Variants in HMGA2 observed in about 807,000 individuals in gnomAD.
HMGA2 encodes high mobility group AT-hook 2, also known as high mobility group protein HMGI-C.
A neutral mutation model predicts 19.1 loss-of-function variants in HMGA2; 8 were observed. The ratio of observed to expected loss-of-function variants is 0.42; its 90% CI spans 0.25 to 0.76. The LOEUF (loss-of-function observed/expected upper bound fraction) is 0.76, where lower values mean the gene tolerates loss of function less well. HMGA2 is among the 30% of genes least tolerant of loss of function. The probability of loss-of-function intolerance (pLI) is 0.28; values close to 1 mark genes in which losing one functional copy is unlikely to be tolerated. For synonymous variants in HMGA2, 60 were observed against 48.8 expected, an observed-to-expected ratio of 1.23 and a Z score of -0.96; for missense variants, 109 against 136.3, an observed-to-expected ratio of 0.80 and a Z score of 1.00.
At chr12:65,867,038 TAGAGAAGAAAGAGG>T (rs1367967617) in intron 3 of HMGA2, 1 of 438,562 alleles carries the variant, frequency 2.3e-6, no homozygotes, top group African/African-American at 2.0e-5. Flanking sequence ...AAGAACAAAG[TAGAGAAGAAAGAGG>T]AGAGTGTGTG....
chr12:65,919,046 G>T (rs1875209266), intron 3 of HMGA2, among the ~76,000 whole-genome samples: 1 of 152,130 alleles, frequency 6.6e-6, no homozygotes, highest in African/African-American at 2.4e-5. Flanking sequence ...AGACAGTCTT[G>T]TTTCATCTAA....
intron 3 of HMGA2, among the ~76,000 whole-genome samples, chr12:65,938,172 T>C (rs995288006): frequency 1.3e-5 from 2 of 152,118 alleles, no homozygotes; most frequent in Non-Finnish European, 2.9e-5. Flanking sequence ...ATTTTTTGAC[T>C]CTGAAGGAAA....
At chr12:65,881,488 T>A (rs969318372) in intron 3 of HMGA2, 1 of 548,800 alleles carries the variant, frequency 1.8e-6, no homozygotes, top group African/African-American at 1.9e-5. Context: ...TGAAGCAATC[T>A]TGCTTAATAG....
chr12:65,843,291 A>C (rs1871084963), intron 3 of HMGA2: 1 of 218,356 alleles, frequency 4.6e-6, no homozygotes, highest in Non-Finnish European at 9.2e-6. Context: ...ACGTTGATTA[A>C]AAAATATGCA....
intron 3 of HMGA2, among the ~76,000 whole-genome samples, chr12:65,949,151 ACAT>A (rs1200214412): frequency 6.6e-6 from 1 of 152,138 alleles, no homozygotes; most frequent in Non-Finnish European, 1.5e-5. Context: ...CCTGGAGAAA[ACAT>A]CATCTCAAAA....
chr12:65,932,052 A>T (rs1592453709), intron 3 of HMGA2, among the ~76,000 whole-genome samples: 1 of 152,210 alleles, frequency 6.6e-6, no homozygotes, highest in East Asian at 1.9e-4. Flanking sequence ...CTGCATTTTC[A>T]TTCTAAGAAG....
At chr12:65,874,546 G>A (rs1337696290) in intron 3 of HMGA2, among the ~76,000 whole-genome samples, 7 of 152,170 alleles carry the variant, frequency 4.6e-5, no homozygotes, top group African/African-American at 1.4e-4. Flanking sequence ...AGAAGGAGGT[G>A]TAGTGTGACT....
At chr12:65,892,268 G>A (rs1248151680) in intron 3 of HMGA2, among the ~76,000 whole-genome samples, 2 of 152,190 alleles carry the variant, frequency 1.3e-5, no homozygotes, top group East Asian at 3.9e-4. Flanking sequence ...ACACAGAGCA[G>A]AGACACTCAT....
intron 4 of HMGA2, among the ~76,000 whole-genome samples, chr12:65,962,210 C>T (rs1487446281): frequency 1.3e-5 from 2 of 152,176 alleles, no homozygotes; most frequent in Non-Finnish European, 2.9e-5. Flanking sequence ...CTCTCACTAA[C>T]GACGCTTTTA....
At chr12:65,943,395 G>T (rs1592460866) in intron 3 of HMGA2, among the ~76,000 whole-genome samples, 1 of 152,144 alleles carries the variant, frequency 6.6e-6, no homozygotes, top group Non-Finnish European at 1.5e-5. Flanking sequence ...CCCCCAGTCT[G>T]TTCTCATGAG....
At chr12:65,921,630 C>G (rs1382578647) in intron 3 of HMGA2, among the ~76,000 whole-genome samples, 2 of 152,198 alleles carry the variant, frequency 1.3e-5, no homozygotes, top group Non-Finnish European at 2.9e-5. Context: ...AAAAAAATCT[C>G]ATTTTCTGAG....
At chr12:65,861,635 A>AT (rs1872075904) in intron 3 of HMGA2, among the ~76,000 whole-genome samples, 1 of 151,094 alleles carries the variant, frequency 6.6e-6, no homozygotes, top group East Asian at 1.9e-4. Flanking sequence ...AAAAAAAAAA[A>AT]AAAAAACCTA....
At chr12:65,946,596 G>T (rs1429596310) in intron 3 of HMGA2, among the ~76,000 whole-genome samples, 1 of 152,024 alleles carries the variant, frequency 6.6e-6, no homozygotes, top group Non-Finnish European at 1.5e-5. Flanking sequence ...TGGGTCCTTT[G>T]TTAGCAAGGA....
At chr12:65,963,182 G>A in intron 4 of HMGA2, 63 bp from the exon 5 acceptor site, 1 of 1,511,496 alleles carries the variant, frequency 6.6e-7, no homozygotes, top group Non-Finnish European at 9.2e-7. Flanking sequence ...CTGCACTGTT[G>A]GCAAGAGCAG....
chr12:65,913,263 G>A (rs560678556), intron 3 of HMGA2, among the ~76,000 whole-genome samples: 4 of 151,344 alleles, frequency 2.6e-5, no homozygotes, highest in Non-Finnish European at 5.9e-5. Flanking sequence ...CTTTTCTCTG[G>A]TCAACTCCTT....
At chr12:65,869,487 A>AAG (rs1872598315) in intron 3 of HMGA2, among the ~76,000 whole-genome samples, 3 of 152,204 alleles carry the variant, frequency 2.0e-5, no homozygotes. Flanking sequence ...GGGTGCTGTC[A>AAG]GTGGGGTCAA....
At chr12:65,894,596 T>C (rs1367755154) in intron 3 of HMGA2, among the ~76,000 whole-genome samples, 1 of 152,204 alleles carries the variant, frequency 6.6e-6, no homozygotes, top group Admixed American at 6.5e-5. Context: ...TAGGTGGAAA[T>C]TTGCAAAATG....
chr12:65,861,747 A>AT (rs921163385), intron 3 of HMGA2, among the ~76,000 whole-genome samples: 1 of 151,334 alleles, frequency 6.6e-6, no homozygotes, highest in African/African-American at 2.4e-5. Context: ...TTATACTTAA[A>AT]TTTTTTTTCT....
In HMGA2 at chr12:65,963,494, A is replaced by G. The variant is rs1435599176; in HGVS notation, c.*202A>G. The stretch of plus-strand genomic sequence containing the variant: ...GACTATATTAATCACCTTCTTTGTA[A>G]TCCCTTCACAGTCCCAGGTTTAGTG... On this transcript the variant is annotated 3_prime_UTR_variant, in exon 5 of 5. Coordinates refer to ENST00000403681, the MANE Select transcript of HMGA2 (RefSeq NM_003483.6). 2 of 593,290 alleles carry G rather than the reference A, an allele frequency of 3.4e-6. No homozygotes were observed. Among genetic ancestry groups the G allele is most frequent in the African/African-American group, 3.7e-5 (2 of 53,634 alleles). The allele number at this position is 593,290 out of a possible 1,614,324, so 36.8% of individuals were successfully genotyped here. A position where few individuals can be genotyped will look rare whatever the true frequency, so the allele number is the denominator to read the frequency against.
Sources: allele counts gnomAD v4.1 joint callset (sites outside exome capture counted in the v4.1 genomes callset), GRCh38; gene constraint gnomAD v4.1.1; transcripts MANE v1.5; gene names NCBI Gene and HGNC (gene_info 2026-07-23, HGNC 2026-07-21).